The following PTPRN2 variants were observed in gnomAD, a reference collection of about 807,000 sequenced individuals.
PTPRN2 encodes receptor-type tyrosine-protein phosphatase N2.
A neutral mutation model predicts 118.8 loss-of-function variants in PTPRN2; 74 were observed. That is an observed-to-expected ratio of 0.62 (90% confidence interval 0.52 to 0.76). The LOEUF is 0.76. PTPRN2 is among the 30% of genes least tolerant of loss of function. The probability of loss-of-function intolerance (pLI) is 0.00; values close to 1 mark genes in which losing one functional copy is unlikely to be tolerated. For missense variants in PTPRN2, 1,481 were observed against 1,394.4 expected (o/e 1.06, Z -0.99); for synonymous variants, 641 against 608.0 (o/e 1.05, Z -0.80).
At chr7:158,347,722 C>A (rs1039093977) in intron 2 of PTPRN2, among the ~76,000 whole-genome samples, 1 of 152,062 alleles carries the variant, frequency 6.6e-6, no homozygotes, top group African/African-American at 2.4e-5. Context: ...AATATTAATT[C>A]TTTCAATCAA....
chr7:157,677,210 G>T (rs1412476787), intron 13 of PTPRN2, among the ~76,000 whole-genome samples: 1 of 152,164 alleles, frequency 6.6e-6, no homozygotes, highest in Non-Finnish European at 1.5e-5. Flanking sequence ...CATAGGAATG[G>T]CCTAGTGCCA....
At chr7:157,812,602 T>C (rs949138097) in intron 12 of PTPRN2, among the ~76,000 whole-genome samples, 172 of 152,278 alleles carry the variant, frequency 1.1e-3, no homozygotes, top group Non-Finnish European at 2.0e-3. Flanking sequence ...AAACTCTATG[T>C]CAGCTGAGAA....
intron 12 of PTPRN2, among the ~76,000 whole-genome samples, chr7:157,836,758 A>T (rs1165560604): frequency 1.3e-5 from 2 of 152,196 alleles, no homozygotes; most frequent in African/African-American, 4.8e-5. Context: ...GGTTTGGCCT[A>T]TGTCATGACC....
At chr7:157,909,568 C>T (rs778107939) in intron 11 of PTPRN2, among the ~76,000 whole-genome samples, 5 of 152,252 alleles carry the variant, frequency 3.3e-5, no homozygotes, top group Non-Finnish European at 7.3e-5. Context: ...CTGCTCAGCC[C>T]CTTCAGCGCG....
intron 12 of PTPRN2, among the ~76,000 whole-genome samples, chr7:157,726,691 C>T (rs574312412): frequency 5.9e-5 from 9 of 152,274 alleles, no homozygotes; most frequent in Admixed American, 3.3e-4. Context: ...TGCGTCAAAG[C>T]GCACCATCCA....
chr7:158,243,899 C>G (rs961764283), intron 3 of PTPRN2, among the ~76,000 whole-genome samples: 2 of 150,294 alleles, frequency 1.3e-5, no homozygotes, highest in Non-Finnish European at 3.0e-5. Flanking sequence ...ATGATAATTA[C>G]AAACTACCTC....
intron 12 of PTPRN2, among the ~76,000 whole-genome samples, chr7:157,795,114 GCT>G (rs1245706196): frequency 7.5e-6 from 1 of 134,166 alleles, no homozygotes; most frequent in Non-Finnish European, 1.6e-5. Context: ...TGGGGCTCAA[GCT>G]CAAAGCCCCC....
intron 9 of PTPRN2, among the ~76,000 whole-genome samples, chr7:158,130,020 C>T (rs1277424491): frequency 2.6e-5 from 4 of 152,174 alleles, no homozygotes; most frequent in Non-Finnish European, 4.4e-5. Context: ...TACAACTTAC[C>T]TAAAGATACA....
At chr7:157,715,161 G>GA in intron 12 of PTPRN2, among the ~76,000 whole-genome samples, 1 of 152,342 alleles carries the variant, frequency 6.6e-6, no homozygotes, top group East Asian at 1.9e-4. Context: ...ATGGCCTTGA[G>GA]AAAAGCACCC....
At chr7:158,350,103 T>C (rs1807813843) in intron 2 of PTPRN2, among the ~76,000 whole-genome samples, 1 of 152,108 alleles carries the variant, frequency 6.6e-6, no homozygotes. Context: ...CCAAGATGTA[T>C]GGGATCTGTA....
chr7:158,389,466 A>T (rs911588261), intron 2 of PTPRN2, among the ~76,000 whole-genome samples: 2 of 152,254 alleles, frequency 1.3e-5, no homozygotes, highest in Non-Finnish European at 2.9e-5. Context: ...GAAGAATGAA[A>T]AACATCAACC....
chr7:158,290,207 G>A (rs1800026075), intron 3 of PTPRN2, among the ~76,000 whole-genome samples: 1 of 152,162 alleles, frequency 6.6e-6, no homozygotes, highest in Non-Finnish European at 1.5e-5. Context: ...TGGCACCAGG[G>A]GTCTATTGGA....
chr7:158,446,327 C>T (rs1008463148), intron 2 of PTPRN2, among the ~76,000 whole-genome samples: 8 of 152,346 alleles, frequency 5.3e-5, no homozygotes, highest in Admixed American at 4.6e-4. Context: ...TGAATACTTT[C>T]AACTATATTT....
rs1021208808 is a variant in PTPRN2, at chr7:158,136,638, C to G, written c.1173+17G>C. ...TCCACATTTAACATGAAACAAACACCAGAGACGTCATCTTACCTCTTGGTA... is the reference window on the plus strand; with the variant it reads ...TCCACATTTAACATGAAACAAACACGAGAGACGTCATCTTACCTCTTGGTA... On this transcript the variant is annotated intron_variant, in intron 8 of 22. Transcript: ENST00000389418. The G allele has an allele frequency of 2.5e-6, 4 of 1,610,314 alleles. No individual in the cohort carries two copies. In the African/African-American group the frequency reaches 4.0e-5, roughly 16 times the overall value.
At chr7:158,161,317 G>A (rs1296085841) in intron 6 of PTPRN2, among the ~76,000 whole-genome samples, 1 of 152,156 alleles carries the variant, frequency 6.6e-6, no homozygotes, top group African/African-American at 2.4e-5. Flanking sequence ...TCATTAGGAT[G>A]CACTACACCC....
intron 12 of PTPRN2, among the ~76,000 whole-genome samples, chr7:157,709,774 C>T (rs564644829): frequency 5.3e-5 from 8 of 152,328 alleles, no homozygotes; most frequent in Admixed American, 2.6e-4. Context: ...GGCCCATCCA[C>T]GGATGGCTGG....
intron 2 of PTPRN2, among the ~76,000 whole-genome samples, chr7:158,450,670 G>C (rs1818037454): frequency 6.6e-6 from 1 of 152,192 alleles, no homozygotes; most frequent in African/African-American, 2.4e-5. Flanking sequence ...ATGTCTGTGA[G>C]ATGATCCGAG....
intron 11 of PTPRN2, among the ~76,000 whole-genome samples, chr7:157,924,435 A>G (rs916994363): frequency 6.6e-6 from 1 of 152,130 alleles, no homozygotes; most frequent in Non-Finnish European, 1.5e-5. Flanking sequence ...TCCTCCCGAC[A>G]CTGGTTCTGA....
chr7:157,991,698 G>T (rs971850728), intron 11 of PTPRN2, among the ~76,000 whole-genome samples: 2 of 152,216 alleles, frequency 1.3e-5, no homozygotes, highest in African/African-American at 2.4e-5. Context: ...AGAGCTGCAC[G>T]GGGCTGTTCT....
Sources: allele counts gnomAD v4.1 joint callset (sites outside exome capture counted in the v4.1 genomes callset), GRCh38; gene constraint gnomAD v4.1.1; transcripts MANE v1.5; gene names NCBI Gene and HGNC (gene_info 2026-07-23, HGNC 2026-07-21).